The following MAPRE2 variants were observed in gnomAD, a reference collection of about 807,000 sequenced individuals.
The protein encoded by MAPRE2 is microtubule-associated protein RP/EB family member 2.
A neutral mutation model predicts 43.2 loss-of-function variants in MAPRE2; 13 were observed. The ratio of observed to expected loss-of-function variants is 0.30; its 90% CI spans 0.20 to 0.48. The LOEUF is 0.48. Ranked by LOEUF, MAPRE2 falls within the 20% of genes least tolerant of loss-of-function variation. MAPRE2 has a pLI of 0.99. For synonymous variants in MAPRE2, 135 were observed against 148.8 expected, an observed-to-expected ratio of 0.91 and a Z score of 0.68; for missense variants, 161 against 400.2, an observed-to-expected ratio of 0.40 and a Z score of 5.10.
upstream of MAPRE2, among the ~76,000 whole-genome samples, chr18:35,039,400 G>A (rs2150596746): frequency 6.6e-6 from 1 of 152,312 alleles, no homozygotes; most frequent in East Asian, 1.9e-4. Context: ...GTGTATCTTT[G>A]ATACTTAGAT....
At chr18:35,125,376 A>G (rs998157566) in intron 4 of MAPRE2, among the ~76,000 whole-genome samples, 4 of 152,260 alleles carry the variant, frequency 2.6e-5, no homozygotes, top group African/African-American at 9.6e-5. Flanking sequence ...TAAACTGTAA[A>G]ATTGGAAACC....
rs8085186 is a variant in MAPRE2, at chr18:35,054,877, G to A, written c.122+13216G>A. Among the ~76,000 whole-genome samples, 426 of 152,204 alleles carry A rather than the reference G, an allele frequency of 2.8e-3. 2 individuals carry two copies. The highest frequency in any genetic ancestry group is 9.9e-3 in the African/African-American group (409 of 41,506). ...GGCAGAGATGATTTGGTCATAGTTC[G>A]CAATGAAGTGACCGTCAGTTCTATT... On this transcript the variant is annotated intron_variant, in intron 1 of 6. Transcript: ENST00000300249.
At chr18:35,025,928 C>A (rs2097044863) in intron 2 of MAPRE2, among the ~76,000 whole-genome samples, 1 of 152,164 alleles carries the variant, frequency 6.6e-6, no homozygotes. Context: ...CTTACTCTTT[C>A]TATACACGGT....
intron 2 of MAPRE2, among the ~76,000 whole-genome samples, chr18:35,081,525 T>C (rs1907629791): frequency 6.6e-6 from 1 of 152,206 alleles, no homozygotes; most frequent in Non-Finnish European, 1.5e-5. Flanking sequence ...GGGACTCTTT[T>C]CAGGGAGCTG....
At chr18:35,042,692 G>A (rs967987092) in intron 1 of MAPRE2, among the ~76,000 whole-genome samples, 12 of 152,200 alleles carry the variant, frequency 7.9e-5, no homozygotes, top group African/African-American at 2.9e-4. Flanking sequence ...CTTGATAAAC[G>A]CTAACAATGC....
At chr18:35,015,438 T>C (rs2097037536) in intron 2 of MAPRE2, among the ~76,000 whole-genome samples, 1 of 152,132 alleles carries the variant, frequency 6.6e-6, no homozygotes, top group South Asian at 2.1e-4. Flanking sequence ...TGTTGCTTTT[T>C]ACAAATGAGG....
chr18:34,980,023 CTTTTTTTCTT>C (rs1347586456), intron 1 of MAPRE2, among the ~76,000 whole-genome samples: 75 of 132,474 alleles, frequency 5.7e-4, no homozygotes, highest in African/African-American at 2.0e-3. Flanking sequence ...TTTTCTTTTT[CTTTTTTTCTT>C]TTTTTTTTTT....
intron 2 of MAPRE2, among the ~76,000 whole-genome samples, chr18:35,034,075 A>G (rs552095859): frequency 6.6e-6 from 1 of 152,294 alleles, no homozygotes; most frequent in East Asian, 1.9e-4. Flanking sequence ...AAGCAAAAGA[A>G]CAAAGCTGGA....
intron 2 of MAPRE2, among the ~76,000 whole-genome samples, chr18:35,075,811 T>G (rs1450653232): frequency 6.6e-6 from 1 of 152,180 alleles, no homozygotes; most frequent in African/African-American, 2.4e-5. Context: ...TTCAATTGCT[T>G]CAGGCAGTAA....
intron 2 of MAPRE2, among the ~76,000 whole-genome samples, chr18:35,075,760 A>G (rs1051654787): frequency 2.0e-5 from 3 of 152,142 alleles, no homozygotes; most frequent in African/African-American, 4.8e-5. Flanking sequence ...GGGACAAAAA[A>G]AAAAGAGTTG....
chr18:34,983,314 G>A (rs540214810), intron 1 of MAPRE2, among the ~76,000 whole-genome samples: 58 of 152,202 alleles, frequency 3.8e-4, no homozygotes, highest in African/African-American at 1.3e-3. Flanking sequence ...TTAGTGATAC[G>A]GTCAACTGTA....
chr18:35,078,243 C>T (rs1389456388), intron 2 of MAPRE2, among the ~76,000 whole-genome samples: 1 of 152,056 alleles, frequency 6.6e-6, no homozygotes, highest in Non-Finnish European at 1.5e-5. Flanking sequence ...AAGCCAAGGA[C>T]CTCATTTTAT....
At chr18:35,078,071 GA>G (rs1349030258) in intron 2 of MAPRE2, among the ~76,000 whole-genome samples, 1 of 151,988 alleles carries the variant, frequency 6.6e-6, no homozygotes, top group African/African-American at 2.4e-5. Flanking sequence ...TAAATTTGGG[GA>G]AAAATAGTCA....
chr18:35,142,218 C>G lies in MAPRE2; in HGVS notation c.*1849C>G, dbSNP rs1001433543. On this transcript the variant is annotated 3_prime_UTR_variant, in exon 7 of 7. Coordinates refer to ENST00000300249, the MANE Select transcript of MAPRE2 (RefSeq NM_014268.4). ...GCATCATGCTTAACAGCGTGTTGCC[C>G]TTCTGAGCCTGTTGTACTCACTGAT... 6.6e-6 allele frequency: 1 copy of G among 152,260 alleles called. No homozygotes were observed. The highest frequency in any genetic ancestry group is 2.4e-5 in the African/African-American group (1 of 41,460). The allele number at this position is 152,260 out of a possible 1,614,324, so 9.4% of individuals were successfully genotyped here. A position where few individuals can be genotyped will look rare whatever the true frequency, so the allele number is the denominator to read the frequency against.
At chr18:35,011,558 G>T (rs2097034685) in intron 2 of MAPRE2, among the ~76,000 whole-genome samples, 1 of 152,180 alleles carries the variant, frequency 6.6e-6, no homozygotes, top group African/African-American at 2.4e-5. Flanking sequence ...AAGCGTAGAG[G>T]TAAAACTACC....
At chr18:35,110,052 C>G (rs1909108972) in intron 4 of MAPRE2, among the ~76,000 whole-genome samples, 1 of 152,096 alleles carries the variant, frequency 6.6e-6, no homozygotes, top group Admixed American at 6.6e-5. Context: ...TTTTTTCACA[C>G]TATCCTTTAA....
intron 6 of MAPRE2, 35 bp downstream of exon 6, chr18:35,132,225 A>C: frequency 6.2e-7 from 1 of 1,606,008 alleles, no homozygotes; most frequent in Non-Finnish European, 8.5e-7. Context: ...CTGTGTTCTA[A>C]AATGACTCTC....
intron 2 of MAPRE2, among the ~76,000 whole-genome samples, chr18:35,083,481 C>T (rs951942451): frequency 1.3e-5 from 2 of 152,194 alleles, no homozygotes; most frequent in African/African-American, 4.8e-5. Context: ...AACTTTAGCT[C>T]CACTCTCAGA....
At chr18:35,093,647 C>T (rs502129) in intron 2 of MAPRE2, among the ~76,000 whole-genome samples, 14,523 of 152,144 alleles carry the variant, frequency 0.095, 804 homozygotes, top group South Asian at 0.15. Flanking sequence ...ACGTTATGTT[C>T]GGTGAAATAA....
Sources: gnomAD v4.1 joint callset for allele counts (sites outside exome capture counted in the v4.1 genomes callset) on GRCh38, gnomAD v4.1.1 for gene constraint, MANE v1.5 for transcripts, NCBI Gene and HGNC (gene_info 2026-07-23, HGNC 2026-07-21) for gene names.